IFT80: variants seen among roughly 807,000 people sequenced by gnomAD.
IFT80 encodes intraflagellar transport protein 80 homolog.
A neutral mutation model predicts 107.9 loss-of-function variants in IFT80; 79 were observed. The observed-to-expected ratio is 0.73, with a 90% CI of 0.61 to 0.88. IFT80 has a LOEUF of 0.88. Among genes scored for constraint, IFT80 ranks in the 40% least tolerant of loss-of-function variants. The probability of loss-of-function intolerance (pLI) is 0.00; values close to 1 mark genes in which losing one functional copy is unlikely to be tolerated. For missense variants in IFT80, 797 were observed against 914.2 expected, an observed-to-expected ratio of 0.87 and a Z score of 1.65; for synonymous variants, 299 against 300.9, an observed-to-expected ratio of 0.99 and a Z score of 0.07.
At chr3:160,313,530 A>G (rs1311555013) in intron 9 of IFT80, among the ~76,000 whole-genome samples, 1 of 152,100 alleles carries the variant, frequency 6.6e-6, no homozygotes. Flanking sequence ...CATAATAAGA[A>G]AACTAAAGGC....
intron 5 of IFT80, among the ~76,000 whole-genome samples, chr3:160,368,529 C>G (rs148973847): frequency 1.1e-3 from 169 of 151,996 alleles, no homozygotes; most frequent in African/African-American, 3.8e-3. Flanking sequence ...CCTCCTTTTT[C>G]TGTACTTGAT....
At chr3:160,324,916 A>G (rs1337595776) in intron 8 of IFT80, among the ~76,000 whole-genome samples, 12 of 151,224 alleles carry the variant, frequency 7.9e-5, no homozygotes, top group African/African-American at 2.9e-4. Flanking sequence ...TAAGCTGATA[A>G]GCAACTTCAG....
chr3:160,337,874 T>C (rs563570635), intron 8 of IFT80, among the ~76,000 whole-genome samples: 1 of 152,328 alleles, frequency 6.6e-6, no homozygotes, highest in South Asian at 2.1e-4. Context: ...TCAATTTTCC[T>C]AATTATCTGC....
At chr3:160,299,094 A>G (rs1308953927) in intron 12 of IFT80, 1 of 991,920 alleles carries the variant, frequency 1.0e-6, no homozygotes, top group African/African-American at 1.7e-5. Flanking sequence ...GGGACTTTCA[A>G]TCTTAAGTTT....
intron 6 of IFT80, among the ~76,000 whole-genome samples, chr3:160,364,244 A>G (rs984305764): frequency 6.6e-6 from 1 of 152,246 alleles, no homozygotes; most frequent in Admixed American, 6.5e-5. Context: ...CAACAGATAC[A>G]TGAAAAAATG....
chr3:160,288,080 C>G lies in IFT80; in HGVS notation c.1316-2212G>C, dbSNP rs1451010616. ...ACAGCGCAGTCTGGGCGCAGTGGCT[C>G]ACGCCTGTAATCCCAGCACTTTGGG... On this transcript the variant is annotated intron_variant, in intron 12 of 19. Coordinates refer to ENST00000326448, the MANE Select transcript of IFT80 (RefSeq NM_020800.3). 2.0e-5 allele frequency among the ~76,000 whole-genome samples: 3 copies of G among 152,218 alleles called. No homozygotes were observed. In the East Asian group the frequency reaches 5.8e-4, roughly 29 times the overall value.
chr3:160,355,795 A>G (rs970471521), intron 8 of IFT80, among the ~76,000 whole-genome samples: 3 of 152,224 alleles, frequency 2.0e-5, no homozygotes, highest in Non-Finnish European at 4.4e-5. Flanking sequence ...ATATTTCCAG[A>G]AAGACAAATA....
chr3:160,297,851 T>G (rs1716106653), intron 12 of IFT80, among the ~76,000 whole-genome samples: 1 of 152,118 alleles, frequency 6.6e-6, no homozygotes, highest in Admixed American at 6.6e-5. Flanking sequence ...TTTCCATAAC[T>G]GTAAGTGCAT....
chr3:160,367,752 C>T (rs1004184756), intron 5 of IFT80, among the ~76,000 whole-genome samples: 4 of 151,990 alleles, frequency 2.6e-5, no homozygotes, highest in African/African-American at 9.7e-5. Flanking sequence ...AAATCAATTA[C>T]ATTTAAGTAT....
At chr3:160,332,671 C>T (rs1719173061) in intron 8 of IFT80, among the ~76,000 whole-genome samples, 1 of 152,174 alleles carries the variant, frequency 6.6e-6, no homozygotes, top group Admixed American at 6.5e-5. Flanking sequence ...ATGACATGTA[C>T]TTCCAGTAGG....
intron 8 of IFT80, among the ~76,000 whole-genome samples, chr3:160,322,034 ATTTATTT>A (rs1559938908): frequency 6.9e-6 from 1 of 145,734 alleles, no homozygotes; most frequent in African/African-American, 2.5e-5. Context: ...TTATTTATTT[ATTTATTT>A]ATTATTATTA....
chr3:160,328,854 T>A lies in IFT80; in HGVS notation c.778-8915A>T, dbSNP rs578164069. On this transcript the variant is annotated intron_variant, in intron 8 of 19. Transcript: ENST00000326448. ...TTCTCAGGGACATGGATGGAGTTGG[T>A]GGGACATTATCCTTAGCAAACAAAC... Among the ~76,000 whole-genome samples, 18 of 152,138 alleles carry A rather than the reference T, an allele frequency of 1.2e-4. No individual in the cohort carries two copies. The South Asian group carries it at 3.5e-3, about 30-fold the overall frequency.
At chr3:160,381,756 C>T (rs780574257) in intron 2 of IFT80, 32 bp from the exon 3 acceptor site, 10 of 1,539,756 alleles carry the variant, frequency 6.5e-6, no homozygotes, top group African/African-American at 1.4e-5. Flanking sequence ...ATAAAACATA[C>T]AAAAGTCTTT....
At position 160,386,711 on chromosome 3, in the gene IFT80, C is replaced by T. The variant is rs117648082; in HGVS notation, c.-46-2065G>A. On this transcript the variant is annotated intron_variant, in intron 1 of 19. Transcript: ENST00000326448. ...TCCCCTGCCTCAATTATTGCAGTGG[C>T]CTCAAAATTGATCTTCCTATTCCTA... 1.6e-3 allele frequency among the ~76,000 whole-genome samples: 240 copies of T among 152,246 alleles called. 4 individuals are homozygous for T. In the East Asian group the frequency reaches 0.041, roughly 26 times the overall value.
At chr3:160,290,653 T>C (rs1276688160) in intron 12 of IFT80, among the ~76,000 whole-genome samples, 6 of 152,134 alleles carry the variant, frequency 3.9e-5, no homozygotes, top group African/African-American at 1.4e-4. Flanking sequence ...CAATCTCGGC[T>C]CACTGCGAAC....
intron 6 of IFT80, among the ~76,000 whole-genome samples, chr3:160,364,850 C>A (rs911033009): frequency 2.6e-5 from 4 of 151,632 alleles, no homozygotes; most frequent in African/African-American, 9.7e-5. Flanking sequence ...CAGGGCCTGT[C>A]GTAAGGTGGG....
At chr3:160,317,007 C>G (rs1011578568) in intron 9 of IFT80, among the ~76,000 whole-genome samples, 15 of 152,112 alleles carry the variant, frequency 9.9e-5, no homozygotes, top group African/African-American at 2.4e-4. Flanking sequence ...CAATAAATTT[C>G]CTTTTTTTCT....
At chr3:160,328,155 C>A (rs114786825) in intron 8 of IFT80, among the ~76,000 whole-genome samples, 1,890 of 152,032 alleles carry the variant, frequency 0.012, 41 homozygotes, top group African/African-American at 0.042. Flanking sequence ...TCACACCAGT[C>A]AGAATGGCTA....
At chr3:160,349,094 T>G (rs192639112) in intron 8 of IFT80, among the ~76,000 whole-genome samples, 84 of 148,010 alleles carry the variant, frequency 5.7e-4, no homozygotes, top group Middle Eastern at 6.9e-3. Context: ...CATATACAAA[T>G]TGTATCCTGA....
Sources: allele counts gnomAD v4.1 joint callset (sites outside exome capture counted in the v4.1 genomes callset), GRCh38; gene constraint gnomAD v4.1.1; transcripts MANE v1.5; gene names NCBI Gene and HGNC (gene_info 2026-07-23, HGNC 2026-07-21).